The following GRIK2 variants were observed in gnomAD, a reference collection of about 807,000 sequenced individuals.
The protein encoded by GRIK2 is glutamate ionotropic receptor kainate type subunit 2, also known as glutamate receptor ionotropic, kainate 2.
GRIK2 carries 32 observed loss-of-function variants against 100.3 expected under a neutral mutation model. The observed-to-expected ratio is 0.32, with a 90% CI of 0.24 to 0.43. GRIK2 has a LOEUF of 0.43. Among genes scored for constraint, GRIK2 ranks in the 20% least tolerant of loss-of-function variants. GRIK2 has a pLI of 1.00. For synonymous variants in GRIK2, 417 were observed against 389.4 expected (o/e 1.07, Z -0.83); for missense variants, 843 against 1,114.9 (o/e 0.76, Z 3.47).
At chr6:101,749,604 G>T (rs1776653337) in intron 7 of GRIK2, among the ~76,000 whole-genome samples, 2 of 151,860 alleles carry the variant, frequency 1.3e-5, no homozygotes, top group South Asian at 4.2e-4. Flanking sequence ...TTAAAAAATG[G>T]ACATTTTTCA....
intron 14 of GRIK2, among the ~76,000 whole-genome samples, chr6:101,974,534 G>A (rs1286302164): frequency 6.6e-6 from 1 of 152,026 alleles, no homozygotes; most frequent in Non-Finnish European, 1.5e-5. Context: ...AGGGACTTCG[G>A]AAAGTCTCAA....
chr6:101,877,684 A>G (rs1484989794), intron 11 of GRIK2, among the ~76,000 whole-genome samples: 1 of 151,974 alleles, frequency 6.6e-6, no homozygotes, highest in Non-Finnish European at 1.5e-5. Flanking sequence ...TATTTTGTCA[A>G]GGACAACAAC....
chr6:101,643,991 T>A (rs1468995215), intron 4 of GRIK2, among the ~76,000 whole-genome samples: 1 of 151,764 alleles, frequency 6.6e-6, no homozygotes, highest in Admixed American at 6.6e-5. Context: ...ATTCTTTAAT[T>A]TGAGCTCACT....
intron 15 of GRIK2, among the ~76,000 whole-genome samples, chr6:102,054,230 T>C (rs182303215): frequency 1.3e-5 from 2 of 152,324 alleles, no homozygotes; most frequent in Admixed American, 6.5e-5. Context: ...TCTATGGTTC[T>C]CGTCTTTCTA....
chr6:101,397,939 A>G (rs1775079545), intron 1 of GRIK2, among the ~76,000 whole-genome samples: 1 of 151,988 alleles, frequency 6.6e-6, no homozygotes, highest in African/African-American at 2.4e-5. Context: ...TATTTTTAAT[A>G]AATAGACAGA....
At chr6:101,620,169 T>C in intron 2 of GRIK2, 1 of 707,554 alleles carries the variant, frequency 1.4e-6, no homozygotes, top group African/African-American at 1.9e-5. Flanking sequence ...TCCAGAATGT[T>C]AAACCCGGTC....
chr6:101,468,951 A>C (rs778197587), intron 2 of GRIK2, among the ~76,000 whole-genome samples: 11 of 152,158 alleles, frequency 7.2e-5, no homozygotes, highest in East Asian at 3.9e-4. Context: ...GCAGACCCAA[A>C]GGTTGAAAAA....
chr6:101,697,431 A>G (rs2128350174), intron 7 of GRIK2, among the ~76,000 whole-genome samples: 1 of 151,690 alleles, frequency 6.6e-6, no homozygotes, highest in South Asian at 2.1e-4. Flanking sequence ...TAAAACTTGA[A>G]TCCAGTAGTC....
intron 14 of GRIK2, among the ~76,000 whole-genome samples, chr6:102,018,862 T>C (rs1230694012): frequency 6.6e-6 from 1 of 152,146 alleles, no homozygotes; most frequent in Admixed American, 6.6e-5. Context: ...TAAATCTTAA[T>C]GTTTAATGAT....
chr6:101,930,495 A>G (rs1020841969), intron 14 of GRIK2, among the ~76,000 whole-genome samples: 10 of 152,100 alleles, frequency 6.6e-5, no homozygotes, highest in Non-Finnish European at 1.2e-4. Context: ...GTAAAATATA[A>G]TAATACAACC....
chr6:102,017,865 C>G (rs1769203154), intron 14 of GRIK2, among the ~76,000 whole-genome samples: 1 of 152,108 alleles, frequency 6.6e-6, no homozygotes, highest in African/African-American at 2.4e-5. Flanking sequence ...TGCCTTTGAT[C>G]TCTAGCATTT....
chr6:101,640,138 A>G (rs963957091), intron 4 of GRIK2, among the ~76,000 whole-genome samples: 1 of 152,208 alleles, frequency 6.6e-6, no homozygotes, highest in African/African-American at 2.4e-5. Flanking sequence ...TTAATTCATA[A>G]CACAGAATAA....
intron 4 of GRIK2, among the ~76,000 whole-genome samples, chr6:101,657,528 C>T (rs954294148): frequency 9.2e-5 from 14 of 152,128 alleles, no homozygotes; most frequent in Admixed American, 2.0e-4. Context: ...TAACATTAAG[C>T]AACCTTCAGA....
intron 2 of GRIK2, among the ~76,000 whole-genome samples, chr6:101,604,764 T>C (rs920115964): frequency 6.6e-6 from 1 of 152,006 alleles, no homozygotes; most frequent in African/African-American, 2.4e-5. Context: ...TTTTTCCTGC[T>C]CTTTGCTAAG....
At chr6:101,650,325 C>T (rs988347779) in intron 4 of GRIK2, among the ~76,000 whole-genome samples, 2 of 152,090 alleles carry the variant, frequency 1.3e-5, no homozygotes, top group Admixed American at 1.3e-4. Context: ...CACTTGGTTT[C>T]TGAAGCACCA....
At chr6:101,660,204 A>AT (rs904624922) in intron 4 of GRIK2, among the ~76,000 whole-genome samples, 13 of 150,432 alleles carry the variant, frequency 8.6e-5, no homozygotes, top group Middle Eastern at 6.8e-3. Flanking sequence ...TTGTCTTCAC[A>AT]TTTTTTTTTA....
chr6:101,988,124 T>C (rs1794133809), intron 14 of GRIK2, among the ~76,000 whole-genome samples: 1 of 26,150 alleles, frequency 3.8e-5, no homozygotes, highest in African/African-American at 1.5e-4. Flanking sequence ...TGTGTGTGTG[T>C]GTGTGTGTGC....
At chr6:101,723,508 A>G (rs1774637847) in intron 7 of GRIK2, among the ~76,000 whole-genome samples, 1 of 152,052 alleles carries the variant, frequency 6.6e-6, no homozygotes, top group Non-Finnish European at 1.5e-5. Flanking sequence ...TGTTTATCTG[A>G]GAAATACCTT....
intron 10 of GRIK2, among the ~76,000 whole-genome samples, chr6:101,839,237 T>C (rs1783348470): frequency 6.6e-6 from 1 of 152,218 alleles, no homozygotes; most frequent in Non-Finnish European, 1.5e-5. Context: ...TGGGTGCCAG[T>C]AGAGGCAATG....
Sources: gnomAD v4.1 joint callset for allele counts (sites outside exome capture counted in the v4.1 genomes callset) on GRCh38, gnomAD v4.1.1 for gene constraint, MANE v1.5 for transcripts, NCBI Gene and HGNC (gene_info 2026-07-23, HGNC 2026-07-21) for gene names.